Variants in NRG3 observed in about 807,000 individuals in gnomAD.
NRG3 encodes the protein pro-neuregulin-3, membrane-bound isoform.
NRG3 carries 31 observed loss-of-function variants against 66.9 expected under a neutral mutation model. The ratio of observed to expected loss-of-function variants is 0.46; its 90% CI spans 0.35 to 0.63. The LOEUF is 0.63. NRG3 is among the 20% of genes least tolerant of loss of function. The pLI is 0.00. For synonymous variants in NRG3, 393 were observed against 359.4 expected (o/e 1.09, Z -1.06); for missense variants, 910 against 878.9 (o/e 1.04, Z -0.45).
intron 3 of NRG3, among the ~76,000 whole-genome samples, chr10:82,856,715 G>A (rs1350711651): frequency 8.0e-6 from 1 of 125,022 alleles, no homozygotes; most frequent in African/African-American, 3.1e-5. Flanking sequence ...TTGCACTCCA[G>A]CCTGGGAGAC....
chr10:82,892,683 A>C (rs564261165), intron 4 of NRG3, among the ~76,000 whole-genome samples: 7,038 of 151,304 alleles, frequency 0.047, 205 homozygotes, highest in Middle Eastern at 0.1. Context: ...AAATAAATAA[A>C]TAAATAAATA....
intron 7 of NRG3, 115 bp downstream of exon 7, chr10:82,974,030 T>G: frequency 8.6e-7 from 1 of 1,166,376 alleles, no homozygotes; most frequent in Non-Finnish European, 1.2e-6. Flanking sequence ...TTGCTTCTCC[T>G]GTAGTTCTCT....
At chr10:82,110,128 A>G (rs557913507) in intron 1 of NRG3, among the ~76,000 whole-genome samples, 1 of 152,324 alleles carries the variant, frequency 6.6e-6, no homozygotes, top group African/African-American at 2.4e-5. Flanking sequence ...AAGGGAGGCT[A>G]CAATTGGAAT....
intron 2 of NRG3, among the ~76,000 whole-genome samples, chr10:82,649,780 A>T (rs994403051): frequency 2.6e-5 from 4 of 152,016 alleles, no homozygotes; most frequent in African/African-American, 9.7e-5. Context: ...TGAGGGTAGG[A>T]TGATCTTTGG....
chr10:82,149,151 A>T (rs553169269), intron 1 of NRG3, among the ~76,000 whole-genome samples: 1 of 152,220 alleles, frequency 6.6e-6, no homozygotes, highest in East Asian at 1.9e-4. Flanking sequence ...ATTTGACCCC[A>T]ATGAATGATA....
At chr10:82,691,066 G>A (rs2054886749) in intron 2 of NRG3, among the ~76,000 whole-genome samples, 1 of 151,376 alleles carries the variant, frequency 6.6e-6, no homozygotes. Flanking sequence ...CCCTCATCTG[G>A]AAGTGGCTTA....
At chr10:82,132,690 A>C (rs576921286) in intron 1 of NRG3, among the ~76,000 whole-genome samples, 1 of 150,794 alleles carries the variant, frequency 6.6e-6, no homozygotes, top group Admixed American at 6.7e-5. Context: ...TCAGCGGTGA[A>C]GCCGTCTGGT....
At chr10:82,631,103 G>A (rs919103851) in intron 2 of NRG3, among the ~76,000 whole-genome samples, 1 of 152,116 alleles carries the variant, frequency 6.6e-6, no homozygotes, top group South Asian at 2.1e-4. Flanking sequence ...TCAGGATGAG[G>A]TCTGGGAATT....
At chr10:82,575,761 A>G (rs665652) in intron 2 of NRG3, among the ~76,000 whole-genome samples, 12,801 of 151,780 alleles carry the variant, frequency 0.084, 623 homozygotes, top group East Asian at 0.15. Context: ...ATATCAGAAG[A>G]ATTGGGTCTT....
At chr10:82,823,354 G>A (rs1209726481) in intron 3 of NRG3, among the ~76,000 whole-genome samples, 1 of 152,178 alleles carries the variant, frequency 6.6e-6, no homozygotes, top group Non-Finnish European at 1.5e-5. Flanking sequence ...ACAAAGCAGG[G>A]ATAGGCTTTG....
At chr10:82,273,872 A>G (rs1018848717) in intron 1 of NRG3, among the ~76,000 whole-genome samples, 1 of 151,992 alleles carries the variant, frequency 6.6e-6, no homozygotes, top group Non-Finnish European at 1.5e-5. Flanking sequence ...CAGCCCCAGA[A>G]AGAACAAAGC....
intron 5 of NRG3, among the ~76,000 whole-genome samples, chr10:82,954,834 T>C (rs1435823007): frequency 1.3e-5 from 2 of 151,162 alleles, no homozygotes; most frequent in Non-Finnish European, 2.9e-5. Context: ...GTGTGTGAAT[T>C]CGTGGATTTC....
intron 1 of NRG3, among the ~76,000 whole-genome samples, chr10:82,118,533 T>C (rs2067870878): frequency 6.6e-6 from 1 of 152,038 alleles, no homozygotes; most frequent in African/African-American, 2.4e-5. Context: ...TAAACGTTTA[T>C]TTTAGCCTAG....
At chr10:82,003,901 T>TCAGCTACTC (rs937859582) in intron 1 of NRG3, among the ~76,000 whole-genome samples, 1 of 151,568 alleles carries the variant, frequency 6.6e-6, no homozygotes, top group Non-Finnish European at 1.5e-5. Flanking sequence ...ACCTGCAGCC[T>TCAGCTACTC]CAGCTACTCC....
At chr10:81,903,093 G>T (rs752740750) in intron 1 of NRG3, among the ~76,000 whole-genome samples, 18 of 152,062 alleles carry the variant, frequency 1.2e-4, no homozygotes, top group Non-Finnish European at 1.8e-4. Context: ...TGTAACCAGG[G>T]TTATGATTTA....
intron 1 of NRG3, among the ~76,000 whole-genome samples, chr10:82,153,066 G>A (rs2070899841): frequency 6.6e-6 from 1 of 151,996 alleles, no homozygotes; most frequent in Admixed American, 6.6e-5. Context: ...TTTTGGGGAT[G>A]AGAACTTTTA....
At chr10:82,589,787 AATTTCCC>A (rs2046878945) in intron 2 of NRG3, among the ~76,000 whole-genome samples, 1 of 152,152 alleles carries the variant, frequency 6.6e-6, no homozygotes, top group South Asian at 2.1e-4. Flanking sequence ...ATATATTTGC[AATTTCCC>A]ATTGACTAGG....
At chr10:82,289,605 A>G (rs1445374834) in intron 1 of NRG3, among the ~76,000 whole-genome samples, 3 of 152,214 alleles carry the variant, frequency 2.0e-5, no homozygotes, top group Non-Finnish European at 2.9e-5. Flanking sequence ...TTTGTTATGT[A>G]TGAAAATAAT....
chr10:82,880,393 A>T (rs542409893), intron 4 of NRG3, among the ~76,000 whole-genome samples: 1 of 152,144 alleles, frequency 6.6e-6, no homozygotes, highest in Non-Finnish European at 1.5e-5. Context: ...AGGGCACAGA[A>T]AGTTAGTCTT....
Sources: allele counts gnomAD v4.1 joint callset (sites outside exome capture counted in the v4.1 genomes callset), GRCh38; gene constraint gnomAD v4.1.1; transcripts MANE v1.5; gene names NCBI Gene and HGNC (gene_info 2026-07-23, HGNC 2026-07-21).